The following PACS1 variants were observed in gnomAD, a reference collection of about 807,000 sequenced individuals.
PACS1 encodes PACS-1.
PACS1 carries 24 observed loss-of-function variants against 115.0 expected under a neutral mutation model. The ratio of observed to expected loss-of-function variants is 0.21; its 90% confidence interval spans 0.15 to 0.29. PACS1 has a LOEUF of 0.29. Ranked by LOEUF, PACS1 falls within the 10% of genes least tolerant of loss-of-function variation. The pLI is 1.00. For missense variants in PACS1, 838 were observed against 1,251.2 expected, an observed-to-expected ratio of 0.67 and a Z score of 4.98; for synonymous variants, 453 against 504.5, an observed-to-expected ratio of 0.90 and a Z score of 1.37.
chr11:66,127,820 A>G lies in PACS1; in HGVS notation c.356+56978A>G, dbSNP rs141027571. On this transcript the variant is annotated intron_variant, in intron 1 of 23. Transcript: ENST00000320580. The stretch of plus-strand genomic sequence containing the variant: ...CTTGAGGGAAAAGATGGTATTTTTC[A>G]AAAAGTGAGACAGAAAAAGGCATAT... Among the ~76,000 whole-genome samples, 382 of 152,324 alleles carry G rather than the reference A, an allele frequency of 2.5e-3. 1 individual carries two copies. Among genetic ancestry groups the G allele is most frequent in the Non-Finnish European group, 4.0e-3 (270 of 68,032 alleles).
chr11:66,244,630 A>AG lies in PACS1; in HGVS notation c.*1353dup, dbSNP rs1855884910. On this transcript the variant is annotated 3_prime_UTR_variant, in exon 24 of 24. Transcript: ENST00000320580. ...CCCAAGCTCTCCTCCAGCCCTTCCC[A>AG]GGGCTCAGCCCTGCTGTCCTGAGCG... 6.6e-6 allele frequency: 1 copy of AG among 152,242 alleles called. No homozygotes were observed. Among genetic ancestry groups the AG allele is most frequent in the South Asian group, 2.1e-4 (1 of 4,830 alleles). 9.4% of individuals were successfully genotyped at this position (152,242 alleles called of 1,614,324 possible). A position where few individuals can be genotyped will look rare whatever the true frequency, so the allele number is the denominator to read the frequency against.
intron 2 of PACS1, among the ~76,000 whole-genome samples, chr11:66,199,063 C>T (rs891483206): frequency 1.1e-4 from 17 of 152,116 alleles, no homozygotes; most frequent in Non-Finnish European, 1.8e-4. Flanking sequence ...CGCCTATAAT[C>T]CCAGGACTTT....
intron 1 of PACS1, among the ~76,000 whole-genome samples, chr11:66,079,751 C>A (rs1857452423): frequency 6.6e-6 from 1 of 152,156 alleles, no homozygotes; most frequent in African/African-American, 2.4e-5. Flanking sequence ...ATAAGAGACA[C>A]CATCCAGTAA....
intron 1 of PACS1, among the ~76,000 whole-genome samples, chr11:66,146,348 C>T (rs1326189172): frequency 6.6e-6 from 1 of 152,002 alleles, no homozygotes; most frequent in Non-Finnish European, 1.5e-5. Context: ...CAATAAATCT[C>T]AATAAAACAG....
At chr11:66,122,312 T>C (rs1308724992) in intron 1 of PACS1, among the ~76,000 whole-genome samples, 1 of 152,228 alleles carries the variant, frequency 6.6e-6, no homozygotes, top group East Asian at 1.9e-4. Flanking sequence ...TTACTGCTCA[T>C]TGACAGTGCA....
At chr11:66,102,714 C>T (rs1857947537) in intron 1 of PACS1, among the ~76,000 whole-genome samples, 2 of 152,242 alleles carry the variant, frequency 1.3e-5, no homozygotes, top group African/African-American at 2.4e-5. Context: ...ATACTGCTCT[C>T]CCCATGCCCC....
chr11:66,092,497 C>T (rs1313843759), intron 1 of PACS1, among the ~76,000 whole-genome samples: 1 of 152,022 alleles, frequency 6.6e-6, no homozygotes, highest in Non-Finnish European at 1.5e-5. Context: ...ATGGTAGTTT[C>T]TTTTGCTGTG....
chr11:66,170,887 T>C (rs1271552906), intron 1 of PACS1, among the ~76,000 whole-genome samples: 2 of 148,312 alleles, frequency 1.3e-5, no homozygotes, highest in Non-Finnish European at 2.9e-5. Context: ...TCCAGCCTGG[T>C]TGACAGAAAA....
intron 2 of PACS1, among the ~76,000 whole-genome samples, chr11:66,202,802 A>G (rs1210564275): frequency 7.0e-6 from 1 of 143,240 alleles, no homozygotes; most frequent in East Asian, 2.1e-4. Context: ...GCATTTGATA[A>G]AATTCAACAA....
chr11:66,223,067 A>AT (rs1855390699), intron 10 of PACS1, among the ~76,000 whole-genome samples: 1 of 151,800 alleles, frequency 6.6e-6, no homozygotes, highest in African/African-American at 2.4e-5. Context: ...AAAAAAAAAA[A>AT]AAAAAAAAAA....
At chr11:66,225,866 G>A (rs1855461174) in intron 10 of PACS1, among the ~76,000 whole-genome samples, 1 of 152,148 alleles carries the variant, frequency 6.6e-6, no homozygotes, top group African/African-American at 2.4e-5. Context: ...CATGATTCTA[G>A]ATTCTATTAA....
intron 1 of PACS1, among the ~76,000 whole-genome samples, chr11:66,190,808 G>C (rs1854502777): frequency 6.6e-6 from 1 of 152,194 alleles, no homozygotes; most frequent in Non-Finnish European, 1.5e-5. Flanking sequence ...GTCATTGAAG[G>C]GGGGATTTTG....
chr11:66,240,791 T>TTTTTTTTTTTTTTTTTTTTGAG (rs1565160581), intron 21 of PACS1, among the ~76,000 whole-genome samples: 1 of 151,936 alleles, frequency 6.6e-6, no homozygotes, highest in African/African-American at 2.4e-5. Flanking sequence ...TCTTGTTTTT[T>TTTTTTTTTTTTTTTTTTTTGAG]AATGGAACCT....
rs1029227969 is a variant in PACS1, at chr11:66,235,845, A to C, written c.2208-53A>C. ...AGATAGGAAAGGCCAATTCCCCAGC[A>C]CTCCTCCCTGTCTCTCCTACTAACT... On this transcript the variant is annotated intron_variant, in intron 18 of 23. Transcript: ENST00000320580. This position sits in a 1 kb window ranked among gnomAD's most constrained non-coding sequence, Gnocchi z 5.6. 3 of 1,479,392 alleles carry C rather than the reference A, an allele frequency of 2.0e-6. No homozygotes were observed. Among genetic ancestry groups the C allele is most frequent in the Non-Finnish European group, 2.8e-6 (3 of 1,057,958 alleles). 91.6% of individuals were successfully genotyped at this position (1,479,392 alleles called of 1,614,324 possible).
At chr11:66,242,577 C>A (rs1040573140) in intron 22 of PACS1, among the ~76,000 whole-genome samples, 1 of 152,212 alleles carries the variant, frequency 6.6e-6, no homozygotes, top group Non-Finnish European at 1.5e-5. Flanking sequence ...ATAGAGCATG[C>A]GCCTGATAGG....
intron 1 of PACS1, among the ~76,000 whole-genome samples, chr11:66,151,371 A>C (rs758263984): frequency 4.6e-5 from 7 of 152,164 alleles, no homozygotes; most frequent in Admixed American, 1.3e-4. Context: ...ATATTGCCCA[A>C]GCAGCTGAAA....
rs936508121 is a variant in PACS1, at chr11:66,244,072, C to T, written c.*792C>T. The T allele has an allele frequency of 6.6e-6, 1 of 152,462 alleles. No individual in the cohort carries two copies. Among genetic ancestry groups the T allele is most frequent in the African/African-American group, 2.4e-5 (1 of 41,444 alleles). 9.4% of individuals were successfully genotyped at this position (152,462 alleles called of 1,614,324 possible). A position where few individuals can be genotyped will look rare whatever the true frequency, so the allele number is the denominator to read the frequency against. On this transcript the variant is annotated 3_prime_UTR_variant, in exon 24 of 24. Transcript: ENST00000320580. ...TCTTGGTTGTACCATGTGACACACC[C>T]TGTGCACTGGTCGCTGTCTTCGTGG...
intron 1 of PACS1, among the ~76,000 whole-genome samples, chr11:66,154,223 G>A (rs2134613655): frequency 6.6e-6 from 1 of 152,228 alleles, no homozygotes. Context: ...TATTGCTTGA[G>A]GCCAGGAATT....
Position 66,210,460 on chromosome 11 carries a change from C to G in PACS1, c.534+9C>G. ...TAACCTTCTCCCTTCAGGTGAGACT[C>G]TCCTAATCTTAGGCCCCTAACATGC... is the stretch of plus-strand genomic sequence containing the variant. On this transcript the variant is annotated intron_variant, in intron 3 of 23. Coordinates refer to ENST00000320580, the MANE Select transcript of PACS1 (RefSeq NM_018026.4). 6.3e-7 allele frequency: 1 copy of G among 1,587,730 alleles called. No homozygotes were observed. Among genetic ancestry groups the G allele is most frequent in the Non-Finnish European group, 8.7e-7 (1 of 1,155,912 alleles).
Sources: gnomAD v4.1 joint callset for allele counts (sites outside exome capture counted in the v4.1 genomes callset) on GRCh38, gnomAD v4.1.1 for gene constraint, Gnocchi (gnomAD v3.1) non-coding constraint, MANE v1.5 for transcripts, NCBI Gene and HGNC (gene_info 2026-07-23, HGNC 2026-07-21) for gene names.